The following HS3ST4 variants were observed in gnomAD, a reference collection of about 807,000 sequenced individuals.
The protein encoded by HS3ST4 is heparan sulfate glucosamine 3-O-sulfotransferase 4.
Under a neutral mutation model 29.2 loss-of-function variants are expected in HS3ST4, and 17 were observed. The observed-to-expected ratio is 0.58, with a 90% CI of 0.40 to 0.87. HS3ST4 has a LOEUF of 0.87. Ranked by LOEUF, HS3ST4 falls within the 40% of genes least tolerant of loss-of-function variation. HS3ST4 has a pLI of 0.00. For synonymous variants in HS3ST4, 314 were observed against 285.7 expected (o/e 1.10, Z -1.00); for missense variants, 627 against 634.5 (o/e 0.99, Z 0.13).
At chr16:26,102,371 A>C (rs1899000210) in intron 1 of HS3ST4, among the ~76,000 whole-genome samples, 1 of 152,034 alleles carries the variant, frequency 6.6e-6, no homozygotes, top group African/African-American at 2.4e-5. Context: ...TCCTCCAAGC[A>C]CTCAAAAGGT....
chr16:25,938,305 A>T (rs771384450), intron 1 of HS3ST4, among the ~76,000 whole-genome samples: 1 of 152,186 alleles, frequency 6.6e-6, no homozygotes, highest in East Asian at 1.9e-4. Context: ...AGGCCATAAT[A>T]ATTTGAGTCT....
intron 1 of HS3ST4, among the ~76,000 whole-genome samples, chr16:25,819,171 C>A (rs941134012): frequency 5.9e-5 from 9 of 152,138 alleles, no homozygotes; most frequent in African/African-American, 2.2e-4. Flanking sequence ...TTGCTGGGGG[C>A]CTCTGAGTCT....
chr16:26,093,617 G>A (rs9708668), intron 1 of HS3ST4, among the ~76,000 whole-genome samples: 82,149 of 152,018 alleles, frequency 0.54, 22,935 homozygotes, highest in African/African-American at 0.67. Context: ...GGTCACCATC[G>A]TCAAAGACCA....
rs138845123 is a variant in HS3ST4, at chr16:25,827,080, A to C, written c.734+133929A>C. Among the ~76,000 whole-genome samples the C allele has an allele frequency of 2.7e-3, 417 of 152,282 alleles. 3 individuals carry two copies. Among genetic ancestry groups the C allele is most frequent in the Middle Eastern group, 0.027 (8 of 294 alleles). ...GGAAGTTAATAAGAAATAGAGCCAGACTTCTCAAGAGGCTAGAACCAGAAA... is the reference window on the plus strand; with the variant it reads ...GGAAGTTAATAAGAAATAGAGCCAGCCTTCTCAAGAGGCTAGAACCAGAAA... On this transcript the variant is annotated intron_variant, in intron 1 of 1. Transcript: ENST00000331351.
intron 1 of HS3ST4, among the ~76,000 whole-genome samples, chr16:25,935,971 C>T (rs1032279730): frequency 9.9e-5 from 15 of 151,978 alleles, no homozygotes; most frequent in Admixed American, 8.5e-4. Flanking sequence ...TGCCATGTTT[C>T]CCAGGCTTGT....
At chr16:25,791,893 T>C (rs928652859) in intron 1 of HS3ST4, among the ~76,000 whole-genome samples, 5 of 152,022 alleles carry the variant, frequency 3.3e-5, no homozygotes, top group African/African-American at 9.6e-5. Context: ...AGGTCTGATA[T>C]ATTGTTGGAT....
At chr16:25,873,278 T>TCATCCGTC (rs1967776495) in intron 1 of HS3ST4, among the ~76,000 whole-genome samples, 1 of 110,432 alleles carries the variant, frequency 9.1e-6, no homozygotes, top group African/African-American at 3.4e-5. Context: ...ATTTGTCCAT[T>TCATCCGTC]CATCCATCCA....
At chr16:26,008,515 T>C (rs970638437) in intron 1 of HS3ST4, among the ~76,000 whole-genome samples, 13 of 152,154 alleles carry the variant, frequency 8.5e-5, no homozygotes, top group African/African-American at 2.4e-5. Context: ...TGATTTCAAC[T>C]TGAAGTAAGA....
intron 1 of HS3ST4, among the ~76,000 whole-genome samples, chr16:25,724,690 G>T (rs1169279373): frequency 6.6e-6 from 1 of 151,988 alleles, no homozygotes; most frequent in Non-Finnish European, 1.5e-5. Flanking sequence ...ATGTAACTCT[G>T]TTCGTCTAAC....
chr16:26,128,752 T>C (rs541560193), intron 1 of HS3ST4, among the ~76,000 whole-genome samples: 66 of 152,346 alleles, frequency 4.3e-4, no homozygotes, highest in Admixed American at 2.6e-4. Context: ...CAGTGAATTG[T>C]ATGGTACTTG....
chr16:25,725,566 A>G (rs1186904543), intron 1 of HS3ST4, among the ~76,000 whole-genome samples: 1 of 152,090 alleles, frequency 6.6e-6, no homozygotes, highest in African/African-American at 2.4e-5. Context: ...ATTTGAGATA[A>G]TACTAATAGT....
chr16:25,803,356 C>T (rs914040060), intron 1 of HS3ST4, among the ~76,000 whole-genome samples: 1 of 152,116 alleles, frequency 6.6e-6, no homozygotes, highest in African/African-American at 2.4e-5. Flanking sequence ...GTGAGAATTC[C>T]TCCCTGTCTC....
chr16:26,029,676 G>A (rs1969514825), intron 1 of HS3ST4, among the ~76,000 whole-genome samples: 1 of 152,204 alleles, frequency 6.6e-6, no homozygotes, highest in East Asian at 1.9e-4. Context: ...CTCCCAAAGT[G>A]CTGGGATTAT....
chr16:26,098,368 A>G (rs1180232233), intron 1 of HS3ST4, among the ~76,000 whole-genome samples: 2 of 152,206 alleles, frequency 1.3e-5, no homozygotes, highest in Non-Finnish European at 2.9e-5. Flanking sequence ...GATAAAGAAA[A>G]TGTGGCACAT....
At chr16:26,105,654 C>A (rs1899043975) in intron 1 of HS3ST4, among the ~76,000 whole-genome samples, 1 of 152,246 alleles carries the variant, frequency 6.6e-6, no homozygotes. Flanking sequence ...TCTGCCCACT[C>A]TCCCAATCTT....
intron 1 of HS3ST4, among the ~76,000 whole-genome samples, chr16:25,869,324 T>C (rs117141758): frequency 1.4e-4 from 21 of 152,180 alleles, no homozygotes; most frequent in Non-Finnish European, 2.6e-4. Context: ...GGACAGGTTG[T>C]GACGACTTTC....
At chr16:25,812,131 A>G (rs1967048085) in intron 1 of HS3ST4, among the ~76,000 whole-genome samples, 1 of 152,190 alleles carries the variant, frequency 6.6e-6, no homozygotes, top group Non-Finnish European at 1.5e-5. Context: ...GATATTGTCA[A>G]AATACAGATT....
At chr16:25,734,584 T>C (rs995117148) in intron 1 of HS3ST4, among the ~76,000 whole-genome samples, 1 of 152,186 alleles carries the variant, frequency 6.6e-6, no homozygotes, top group African/African-American at 2.4e-5. Flanking sequence ...CTCAGAAAGA[T>C]GTAATTCCTC....
chr16:26,121,554 C>T (rs1401358219), intron 1 of HS3ST4, among the ~76,000 whole-genome samples: 1 of 152,146 alleles, frequency 6.6e-6, no homozygotes, highest in Non-Finnish European at 1.5e-5. Flanking sequence ...GGGCTTGGAT[C>T]AGTAGCAGGA....
Sources: gnomAD v4.1 joint callset for allele counts (sites outside exome capture counted in the v4.1 genomes callset) on GRCh38, gnomAD v4.1.1 for gene constraint, MANE v1.5 for transcripts, NCBI Gene and HGNC (gene_info 2026-07-23, HGNC 2026-07-21) for gene names.